EYA2: variants seen among roughly 807,000 people sequenced by gnomAD.
EYA2 encodes the protein protein phosphatase EYA2.
EYA2 carries 31 observed loss-of-function variants against 69.2 expected under a neutral mutation model. The observed-to-expected ratio is 0.45, with a 90% CI of 0.34 to 0.60. EYA2 has a LOEUF of 0.60. Ranked by LOEUF, EYA2 falls within the 20% of genes least tolerant of loss-of-function variation. The pLI is 0.02. For missense variants in EYA2, 622 were observed against 701.2 expected (o/e 0.89, Z 1.28); for synonymous variants, 257 against 279.4 (o/e 0.92, Z 0.80).
chr20:47,171,765 A>G (rs73913857), intron 11 of EYA2, among the ~76,000 whole-genome samples: 2,709 of 152,146 alleles, frequency 0.018, 116 homozygotes, highest in East Asian at 0.18. Flanking sequence ...CCATGGTAGC[A>G]TCTGAGTTAA....
intron 5 of EYA2, among the ~76,000 whole-genome samples, chr20:47,049,624 C>T (rs2030221720): frequency 6.7e-6 from 1 of 149,432 alleles, no homozygotes; most frequent in Admixed American, 6.7e-5. Context: ...ATGTGACACA[C>T]CTGTTCCAGC....
intron 1 of EYA2, among the ~76,000 whole-genome samples, chr20:46,962,675 T>C (rs73305645): frequency 0.032 from 4,947 of 152,270 alleles, 246 homozygotes; most frequent in African/African-American, 0.11. Flanking sequence ...GCAGAGTGGG[T>C]GAGGATTTCC....
At chr20:47,123,165 T>TAA (rs2146562045) in intron 9 of EYA2, among the ~76,000 whole-genome samples, 1 of 152,302 alleles carries the variant, frequency 6.6e-6, no homozygotes, top group South Asian at 2.1e-4. Flanking sequence ...ATGACACTTT[T>TAA]TTTTTTAATT....
chr20:46,907,736 G>A (rs970440206), intron 1 of EYA2, among the ~76,000 whole-genome samples: 1 of 152,182 alleles, frequency 6.6e-6, no homozygotes, highest in Non-Finnish European at 1.5e-5. Context: ...CTACTGGAGA[G>A]GCTGAGGCAG....
chr20:47,154,082 T>C (rs1336060571), intron 10 of EYA2, among the ~76,000 whole-genome samples: 1 of 152,048 alleles, frequency 6.6e-6, no homozygotes, highest in East Asian at 2.0e-4. Context: ...AGAAATTTTC[T>C]TTCTCCCAGT....
chr20:46,913,681 A>G (rs1023804032), intron 1 of EYA2, among the ~76,000 whole-genome samples: 2 of 152,104 alleles, frequency 1.3e-5, no homozygotes, highest in African/African-American at 2.4e-5. Context: ...AGCCGATAGA[A>G]TTTGCTGAGG....
chr20:47,112,553 G>T (rs988409754), intron 9 of EYA2, among the ~76,000 whole-genome samples: 2 of 152,118 alleles, frequency 1.3e-5, no homozygotes, highest in Non-Finnish European at 2.9e-5. Flanking sequence ...GAGAGATTAG[G>T]CATAGATTGG....
rs757273129 is a variant in EYA2, at chr20:47,183,257, G to T, written c.1436-34G>T. The T allele has an allele frequency of 2.5e-6, 4 of 1,607,532 alleles. No homozygotes were observed. The South Asian group carries it at 4.4e-5, about 18-fold the overall frequency. On this transcript the variant is annotated intron_variant, in intron 14 of 15. Transcript: ENST00000327619. ...TTGGCTGCAATCCGGGGTCCTCACA[G>T]AGCGTTTTTTCTTTCCTTCCTGTGT...
intron 1 of EYA2, among the ~76,000 whole-genome samples, chr20:46,935,477 G>C (rs970793191): frequency 6.6e-6 from 1 of 152,150 alleles, no homozygotes; most frequent in Non-Finnish European, 1.5e-5. Flanking sequence ...AATTACTATT[G>C]TTACTGTGAC....
At chr20:46,932,226 C>A (rs1261740485) in intron 1 of EYA2, among the ~76,000 whole-genome samples, 3 of 152,070 alleles carry the variant, frequency 2.0e-5, no homozygotes, top group Admixed American at 2.0e-4. Flanking sequence ...CCTCCAGGCT[C>A]AGTCCGTCTA....
chr20:47,178,571 C>CT (rs146660896), intron 12 of EYA2, among the ~76,000 whole-genome samples: 4,666 of 152,020 alleles, frequency 0.031, 245 homozygotes, highest in African/African-American at 0.1. Context: ...GGGTTTTGAA[C>CT]TTTATCTTAA....
In EYA2 at chr20:47,124,249, T is replaced by C. The variant is rs571292482; in HGVS notation, c.889-18810T>C. Among the ~76,000 whole-genome samples, 8 of 152,316 alleles carry C rather than the reference T, an allele frequency of 5.3e-5. No individual in the cohort carries two copies. The South Asian group carries it at 1.2e-3, about 24-fold the overall frequency. On this transcript the variant is annotated intron_variant, in intron 9 of 15. Coordinates refer to ENST00000327619, the MANE Select transcript of EYA2 (RefSeq NM_005244.5). ...CTGGTGGTAAAGGGTTACACCCTTA[T>C]CTGGTTGGGTGTTGTCTCTATTGAT... is the stretch of plus-strand genomic sequence containing the variant.
intron 7 of EYA2, among the ~76,000 whole-genome samples, chr20:47,087,874 A>G (rs1423111897): frequency 6.6e-6 from 1 of 152,222 alleles, no homozygotes; most frequent in African/African-American, 2.4e-5. Flanking sequence ...CGCCTATATA[A>G]TCTCATTTAC....
At chr20:47,032,098 T>A (rs1055251014) in intron 5 of EYA2, among the ~76,000 whole-genome samples, 3 of 152,110 alleles carry the variant, frequency 2.0e-5, no homozygotes, top group Non-Finnish European at 4.4e-5. Flanking sequence ...ACCCTGCAAC[T>A]CCTCAGTTCA....
intron 5 of EYA2, among the ~76,000 whole-genome samples, chr20:47,067,600 T>A (rs985802606): frequency 1.2e-4 from 19 of 152,122 alleles, no homozygotes; most frequent in Admixed American, 2.0e-4. Context: ...AAATTAAAAA[T>A]TTTTAAATTA....
At chr20:47,153,051 A>T (rs1261236445) in intron 10 of EYA2, among the ~76,000 whole-genome samples, 1 of 151,920 alleles carries the variant, frequency 6.6e-6, no homozygotes, top group Non-Finnish European at 1.5e-5. Context: ...TATGTTGGAC[A>T]GTCTTGTACA....
At chr20:47,015,787 A>G (rs1983372236) in intron 4 of EYA2, among the ~76,000 whole-genome samples, 1 of 152,182 alleles carries the variant, frequency 6.6e-6, no homozygotes, top group Admixed American at 6.5e-5. Context: ...GCACGTTAAA[A>G]CCAGCCTCAA....
chr20:47,050,938 T>C (rs755956665), intron 5 of EYA2, among the ~76,000 whole-genome samples: 1 of 152,266 alleles, frequency 6.6e-6, no homozygotes, highest in Non-Finnish European at 1.5e-5. Flanking sequence ...GGATGTGTGA[T>C]CTTACGAGGC....
chr20:47,172,681 C>T (rs1450253352), intron 11 of EYA2, 26 bp from the exon 12 acceptor site: 3 of 1,587,690 alleles, frequency 1.9e-6, no homozygotes, highest in Middle Eastern at 2.1e-4. Flanking sequence ...TGCACTAACA[C>T]TGTCCCTCCC....
Sources: gnomAD v4.1 joint callset for allele counts (sites outside exome capture counted in the v4.1 genomes callset) on GRCh38, gnomAD v4.1.1 for gene constraint, MANE v1.5 for transcripts, NCBI Gene and HGNC (gene_info 2026-07-23, HGNC 2026-07-21) for gene names.